Variants in GYG1 observed in about 807,000 individuals in gnomAD.
The protein encoded by GYG1 is glycogenin-1.
In GYG1, 44 loss-of-function variants were observed where a neutral mutation model predicts 41.9. That is an observed-to-expected ratio of 1.05 (90% CI 0.83 to 1.35). The LOEUF (loss-of-function observed/expected upper bound fraction) is 1.35, where lower values mean the gene tolerates loss of function less well. Among genes scored for constraint, GYG1 ranks in the 40% most tolerant of loss-of-function variants. GYG1 has a pLI of 0.00. For missense variants in GYG1, 429 were observed against 418.9 expected (o/e 1.02, Z -0.21); for synonymous variants, 141 against 158.1 (o/e 0.89, Z 0.81).
chr3:148,997,476 C>T (rs951261995), intron 4 of GYG1, among the ~76,000 whole-genome samples: 1 of 152,118 alleles, frequency 6.6e-6, no homozygotes, highest in Non-Finnish European at 1.5e-5. Context: ...AAGTCAGCAT[C>T]CATTTTCTAT....
At chr3:149,013,182 A>C (rs1713835491) in intron 5 of GYG1, among the ~76,000 whole-genome samples, 1 of 152,168 alleles carries the variant, frequency 6.6e-6, no homozygotes, top group African/African-American at 2.4e-5. Context: ...AATATTTTTG[A>C]AAGTGCTTAG....
chr3:148,996,763 CT>C lies in GYG1; in HGVS notation c.345del (p.Phe115LeufsTer53). ...DTLVLANIDD[L>X]FDREELSAAP... The stretch of plus-strand genomic sequence containing the variant: ...TCAGGTCCTAGCAAATATTGATGAT[CT>C]TTTTGACAGAGAAGAATTGTCAGCA... On this transcript the variant is annotated frameshift_variant, in exon 4 of 8. Coordinates refer to ENST00000345003, the MANE Select transcript of GYG1 (RefSeq NM_004130.4). LOFTEE classifies it high-confidence loss of function. 1 of 1,613,948 alleles carries C rather than the reference CT, an allele frequency of 6.2e-7. No homozygotes were observed. Among genetic ancestry groups the C allele is most frequent in the Non-Finnish European group, 8.5e-7 (1 of 1,179,820 alleles).
At chr3:149,010,076 A>C (rs1713631121) in intron 5 of GYG1, among the ~76,000 whole-genome samples, 1 of 152,126 alleles carries the variant, frequency 6.6e-6, no homozygotes, top group Non-Finnish European at 1.5e-5. Context: ...TATTTGAGAG[A>C]AGCAATATAG....
chr3:149,016,625 T>TG (rs1714065823), intron 5 of GYG1, among the ~76,000 whole-genome samples: 1 of 152,056 alleles, frequency 6.6e-6, no homozygotes, highest in South Asian at 2.1e-4. Flanking sequence ...GCAAAGAAAT[T>TG]GGGTGGGTGT....
chr3:148,992,961 T>G (rs1261547870), intron 1 of GYG1, among the ~76,000 whole-genome samples: 2 of 150,900 alleles, frequency 1.3e-5, no homozygotes, highest in Non-Finnish European at 3.0e-5. Flanking sequence ...GAATTTCTAC[T>G]GCTTCCAGCC....
chr3:149,023,597 C>A (rs756588165), intron 5 of GYG1, among the ~76,000 whole-genome samples: 2 of 152,154 alleles, frequency 1.3e-5, no homozygotes, highest in African/African-American at 4.8e-5. Context: ...TGAACCGATG[C>A]TACATTTACA....
Position 148,996,814 on chromosome 3 carries a change from T to C in GYG1, c.391T>C (p.Cys131Arg). 6.2e-7 allele frequency: 1 copy of C among 1,613,180 alleles called. No individual in the cohort carries two copies. Among genetic ancestry groups the C allele is most frequent in the Middle Eastern group, 1.7e-4 (1 of 6,054 alleles). Residue 131 changes from cysteine to arginine, a missense_variant, in exon 4 of 8, where the codon TGC becomes CGC. Coordinates refer to ENST00000345003, the MANE Select transcript of GYG1 (RefSeq NM_004130.4). ...SAAPDPGWPDCFNSGVFVYQP... is the reference protein window; with the variant it reads ...SAAPDPGWPDRFNSGVFVYQP... ...AGCACCAGACCCAGGGTGGCCTGAC[T>C]GCTTCAATTCCGGAGTCTTCGTTTA... is the stretch of plus-strand genomic sequence containing the variant.
intron 6 of GYG1, among the ~76,000 whole-genome samples, chr3:149,025,989 A>G (rs1459666249): frequency 1.3e-5 from 2 of 152,224 alleles, no homozygotes; most frequent in African/African-American, 4.8e-5. Flanking sequence ...AGGCAAAGGC[A>G]GGACTAATCC....
rs146075067 is a variant in GYG1 at position 149,020,826 on chromosome 3, A to C, written c.609-3227A>C. On this transcript the variant is annotated intron_variant, in intron 5 of 7. Transcript: ENST00000345003. ...CAAACAGTTTAATACAAGAGGATCT[A>C]AGTAGGTGCTGTGGCTCCAGGCCGG... Among the ~76,000 whole-genome samples the C allele has an allele frequency of 7.9e-5, 12 of 152,344 alleles. No individual in the cohort carries two copies. In the East Asian group the frequency reaches 2.3e-3, roughly 29 times the overall value.
At chr3:149,021,678 T>A (rs1714379990) in intron 5 of GYG1, among the ~76,000 whole-genome samples, 1 of 152,108 alleles carries the variant, frequency 6.6e-6, no homozygotes, top group African/African-American at 2.4e-5. Flanking sequence ...CTTGTAGAAA[T>A]ATTATTATTC....
chr3:149,015,007 GAA>G (rs1713938598), intron 5 of GYG1, among the ~76,000 whole-genome samples: 2 of 152,062 alleles, frequency 1.3e-5, no homozygotes, highest in African/African-American at 4.8e-5. Context: ...AAAAATTAGG[GAA>G]TTTCACATAA....
chr3:149,011,110 G>A (rs181100354), intron 5 of GYG1, among the ~76,000 whole-genome samples: 2 of 152,228 alleles, frequency 1.3e-5, no homozygotes, highest in East Asian at 3.9e-4. Context: ...TGTACAATGG[G>A]AACAAGCAGA....
At chr3:149,005,220 TAA>T in intron 4 of GYG1, among the ~76,000 whole-genome samples, 1 of 152,056 alleles carries the variant, frequency 6.6e-6, no homozygotes, top group East Asian at 1.9e-4. Flanking sequence ...AAATTAAAAG[TAA>T]AGAGTATTTA....
chr3:149,023,119 C>CT (rs1348000259), intron 5 of GYG1, among the ~76,000 whole-genome samples: 1 of 152,210 alleles, frequency 6.6e-6, no homozygotes, highest in East Asian at 1.9e-4. Context: ...TTCCATGTTT[C>CT]TTTTTTCTGG....
At chr3:148,999,038 G>A (rs1012966336) in intron 4 of GYG1, among the ~76,000 whole-genome samples, 6 of 152,166 alleles carry the variant, frequency 3.9e-5, no homozygotes, top group South Asian at 2.1e-4. Flanking sequence ...CCTAGAAAAC[G>A]ATTAGATGTT....
chr3:149,004,585 T>A (rs1713289873), intron 4 of GYG1, among the ~76,000 whole-genome samples: 1 of 152,240 alleles, frequency 6.6e-6, no homozygotes, highest in Admixed American at 6.5e-5. Context: ...ATTTAAAAAT[T>A]CAGCTACGGA....
intron 5 of GYG1, among the ~76,000 whole-genome samples, chr3:149,011,468 A>G (rs1576547318): frequency 6.9e-6 from 1 of 144,266 alleles, no homozygotes; most frequent in Non-Finnish European, 1.6e-5. Context: ...AGTCCTGCAC[A>G]GTGAGCATGT....
chr3:148,995,320 CT>C (rs1712725022), intron 2 of GYG1, among the ~76,000 whole-genome samples: 1 of 152,168 alleles, frequency 6.6e-6, no homozygotes. Flanking sequence ...GTTTATTTTT[CT>C]GGTCTCCTGG....
intron 2 of GYG1, among the ~76,000 whole-genome samples, chr3:148,994,867 T>A (rs1174490003): frequency 6.6e-6 from 1 of 152,212 alleles, no homozygotes; most frequent in Non-Finnish European, 1.5e-5. Flanking sequence ...TAGTTCACTT[T>A]GATCCGATGG....
Sources: gnomAD v4.1 joint callset for allele counts (sites outside exome capture counted in the v4.1 genomes callset) on GRCh38, gnomAD v4.1.1 for gene constraint, MANE v1.5 for transcripts, NCBI Gene and HGNC (gene_info 2026-07-23, HGNC 2026-07-21) for gene names.